Variants in HAS3 observed in about 807,000 individuals in gnomAD.
HAS3 encodes hyaluronan synthase 3, also known as HA synthase 3.
In HAS3, 27 loss-of-function variants were observed where a neutral mutation model predicts 50.3. The ratio of observed to expected loss-of-function variants is 0.54; its 90% CI spans 0.40 to 0.74. The LOEUF is 0.74. Among genes scored for constraint, HAS3 ranks in the 30% least tolerant of loss-of-function variants. HAS3 has a pLI of 0.00. For synonymous variants in HAS3, 339 were observed against 310.9 expected (o/e 1.09, Z -0.95); for missense variants, 517 against 742.8 (o/e 0.70, Z 3.53).
chr16:69,098,926 A>G, the HAS3 span, among the ~76,000 whole-genome samples: 3 of 151,222 alleles, frequency 2.0e-5, no homozygotes. Context: ...CTGCCTCCCA[A>G]AGTGGGATTA....
chr16:69,088,909 G>A, the HAS3 span, among the ~76,000 whole-genome samples: 1 of 152,090 alleles, frequency 6.6e-6, no homozygotes, highest in African/African-American at 2.4e-5. Context: ...GCAGCAGAGT[G>A]AGACCCTGTC....
rs768195507 is a variant in HAS3 at position 69,113,444 on chromosome 16, T to A, written c.640T>A (p.Cys214Ser). Residue 214 changes from cysteine (C) to serine (S), a missense_variant, in exon 3 of 4, where the codon TGC becomes AGC. By Grantham distance (112) the Cys-to-Ser change is moderately radical (BLOSUM62 -1). Transcript: ENST00000569188. ...TGACGACGCACTCCCTCTGCAGGTG[T>A]GCGACTCTGACACTGTGCTGGATCC... ...LGDSVDYIQV[C>S]DSDTVLDPAC... 1.9e-6 allele frequency: 3 copies of A among 1,611,718 alleles called. No homozygotes were observed. Among genetic ancestry groups the A allele is most frequent in the Non-Finnish European group, 2.5e-6 (3 of 1,177,988 alleles).
the HAS3 span, among the ~76,000 whole-genome samples, chr16:69,095,630 A>G: frequency 6.6e-6 from 1 of 151,692 alleles, no homozygotes; most frequent in Admixed American, 6.6e-5. Flanking sequence ...TTCAAAGTCT[A>G]CTGTGCAACA....
the HAS3 span, among the ~76,000 whole-genome samples, chr16:69,092,757 G>A: frequency 6.6e-6 from 1 of 152,170 alleles, no homozygotes; most frequent in Non-Finnish European, 1.5e-5. Flanking sequence ...CTACTCAGGA[G>A]GTCTTGGCAG....
At position 69,107,633 on chromosome 16, in the gene HAS3, G is replaced by A; in HGVS notation, c.1-1763G>A. The A allele has an allele frequency of 1.0e-6, 1 of 985,514 alleles. No individual in the cohort carries two copies. The highest frequency in any genetic ancestry group is 1.2e-6 in the Non-Finnish European group (1 of 829,996). 61.0% of individuals were successfully genotyped at this position (985,514 alleles called of 1,614,324 possible). A position where few individuals can be genotyped will look rare whatever the true frequency, so the allele number is the denominator to read the frequency against. ...CGCCCAGGTTGCTGGGCTGGCCTTG[G>A]CGCCCCCTTCCCCTACCCAGAGCGC... On this transcript the variant is annotated intron_variant, in intron 1 of 3. Transcript: ENST00000569188. The surrounding 1 kb of genome is among the most constrained non-coding windows in gnomAD (Gnocchi z 5.5).
At position 69,107,413 on chromosome 16, in the gene HAS3, C is replaced by T. The variant is rs1597092630; in HGVS notation, c.-1+1626C>T. ...GCTGGGGTACCAGGAAGAGCAGGGC[C>T]TGGTCCGACTGGGATCCCTTGGGTT... On this transcript the variant is annotated intron_variant, in intron 1 of 3. Transcript: ENST00000569188. This position sits in a 1 kb window ranked among gnomAD's most constrained non-coding sequence, Gnocchi z 5.5. 1.0e-6 allele frequency: 1 copy of T among 985,528 alleles called. No homozygotes were observed. The highest frequency in any genetic ancestry group is 1.2e-6 in the Non-Finnish European group (1 of 829,982). The allele number at this position is 985,528 out of a possible 1,614,324, so 61.0% of individuals were successfully genotyped here.
chr16:69,101,021 A>G (rs1237933909), upstream of HAS3, among the ~76,000 whole-genome samples: 1 of 152,116 alleles, frequency 6.6e-6, no homozygotes, highest in Non-Finnish European at 1.5e-5. Flanking sequence ...TTATTGTTGC[A>G]TCTGCCTCCT....
chr16:69,110,139 C>T (rs1232060927), intron 2 of HAS3, 108 bp downstream of exon 2: 2 of 1,094,052 alleles, frequency 1.8e-6, no homozygotes, highest in Non-Finnish European at 2.6e-6. Flanking sequence ...GGGTTGTGCA[C>T]ACACCTGTGC....
At chr16:69,104,534 G>C (rs887373989), upstream of HAS3, among the ~76,000 whole-genome samples, 1 of 152,162 alleles carries the variant, frequency 6.6e-6, no homozygotes, top group Non-Finnish European at 1.5e-5. Flanking sequence ...CTGACCTCGT[G>C]ATCCGCCCAC....
chr16:69,105,013 T>TG, upstream of HAS3, among the ~76,000 whole-genome samples: 1 of 95,272 alleles, frequency 1.0e-5, no homozygotes, highest in Non-Finnish European at 2.3e-5. Context: ...TTTTTTTTTT[T>TG]TTTTTTTTTT....
intron 3 of HAS3, among the ~76,000 whole-genome samples, 190 bp downstream of exon 3, chr16:69,113,732 G>A (rs1032159954): frequency 6.6e-6 from 1 of 152,140 alleles, no homozygotes. Context: ...TCTTCCACAT[G>A]AGGGGAAGTC....
At chr16:69,110,182 T>C in intron 2 of HAS3, 151 bp downstream of exon 2, 1 of 755,278 alleles carries the variant, frequency 1.3e-6, no homozygotes, top group Non-Finnish European at 2.1e-6. Flanking sequence ...CCGGGCGCGG[T>C]GGCTCACGCC....
At chr16:69,112,091 C>G (rs956482476) in intron 2 of HAS3, among the ~76,000 whole-genome samples, 5 of 152,272 alleles carry the variant, frequency 3.3e-5, no homozygotes, top group Admixed American at 3.3e-4. Context: ...TGGGGAAACC[C>G]AGGCAGCACG....
upstream of HAS3, among the ~76,000 whole-genome samples, chr16:69,101,708 T>G (rs1960698550): frequency 6.6e-6 from 1 of 152,214 alleles, no homozygotes; most frequent in Non-Finnish European, 1.5e-5. Context: ...AGACCTTTCC[T>G]GAAATCCTCA....
At chr16:69,105,616 GTTAACACCTTC>G (rs1960769192), upstream of HAS3, 1 of 152,254 alleles carries the variant, frequency 6.6e-6, no homozygotes, top group South Asian at 2.1e-4. Flanking sequence ...TGTCACAATT[GTTAACACCTTC>G]TTTGACCAGC....
Position 69,115,720 on chromosome 16 carries a change from G to A in HAS3, c.*454G>A. 1 of 988,698 alleles carries A rather than the reference G, an allele frequency of 1.0e-6. No individual in the cohort carries two copies. The highest frequency in any genetic ancestry group is 1.7e-5 in the African/African-American group (1 of 57,446). The allele number at this position is 988,698 out of a possible 1,614,324, so 61.2% of individuals were successfully genotyped here. On this transcript the variant is annotated 3_prime_UTR_variant, in exon 4 of 4. Transcript: ENST00000569188. ...GAGCGAGCTGGGCCGGTTAGTGTAT[G>A]TCACCCCCACCCCACCCCTAAGTAG...
chr16:69,088,806 C>T, the HAS3 span, among the ~76,000 whole-genome samples: 2 of 152,046 alleles, frequency 1.3e-5, no homozygotes, highest in Admixed American at 6.6e-5. Context: ...GAGCAGGTCT[C>T]AGGAGGAAGG....
chr16:69,113,403 T>G, intron 2 of HAS3, 38 bp from the exon 3 acceptor site: 1 of 1,377,470 alleles, frequency 7.3e-7, no homozygotes, highest in Admixed American at 1.7e-5. Flanking sequence ...TGTGCAGGTC[T>G]GAGGTCAGAA....
chr16:69,118,278 C>CAATGTAT, downstream of HAS3: 1 of 915,714 alleles, frequency 1.1e-6, no homozygotes, highest in Non-Finnish European at 1.8e-6. Context: ...AGCTGCAGGC[C>CAATGTAT]CAGTCAGTCA....
Sources: allele counts gnomAD v4.1 joint callset (sites outside exome capture counted in the v4.1 genomes callset), GRCh38; gene constraint gnomAD v4.1.1; non-coding constraint Gnocchi (gnomAD v3.1); transcripts MANE v1.5; gene names NCBI Gene and HGNC (gene_info 2026-07-23, HGNC 2026-07-21).